NXN: variants seen among roughly 807,000 people sequenced by gnomAD.
The protein encoded by NXN is nucleoredoxin 1.
NXN carries 16 observed loss-of-function variants against 48.6 expected under a neutral mutation model. The observed-to-expected ratio is 0.33, with a 90% CI of 0.22 to 0.50. The LOEUF (loss-of-function observed/expected upper bound fraction) is 0.50. NXN is among the 20% of genes least tolerant of loss of function. The pLI is 0.98. For synonymous variants in NXN, 281 were observed against 269.6 expected (o/e 1.04, Z -0.41); for missense variants, 492 against 605.5 (o/e 0.81, Z 1.97).
In NXN at chr17:823,667, C is replaced by T. The variant is rs138173706; in HGVS notation, c.577G>A (p.Gly193Arg). ...GAGAAATAGACGCCCACGTGAGACCCCTCCAGGCTGCTGCTCTCCAGAGAC... is the reference window on the plus strand; with the variant it reads ...GAGAAATAGACGCCCACGTGAGACCTCTCCAGGCTGCTGCTCTCCAGAGAC... ...GQSLESSSLEGSHVGVYFSAH... is the reference protein window; with the variant it reads ...GQSLESSSLERSHVGVYFSAH... Residue 193 changes from glycine (G) to arginine (R), a missense_variant, in exon 3 of 8, where the codon GGG becomes AGG. Around this residue, in one of 3 missense-constraint regions of NXN, gnomAD observed 303 missense variants for 388.3 expected, o/e 0.78. Coordinates refer to ENST00000336868, the MANE Select transcript of NXN (RefSeq NM_022463.5). 1 of 1,614,134 alleles carries T rather than the reference C, an allele frequency of 6.2e-7. No individual in the cohort carries two copies. The highest frequency in any genetic ancestry group is 8.5e-7 in the Non-Finnish European group (1 of 1,180,028).
chr17:941,379 G>A (rs1462540292), intron 1 of NXN, among the ~76,000 whole-genome samples: 12 of 148,044 alleles, frequency 8.1e-5, no homozygotes, highest in Non-Finnish European at 1.6e-4. Flanking sequence ...ATTCCAGGGT[G>A]CAGCCATGAA....
intron 1 of NXN, chr17:933,227 A>G (rs1271602711): frequency 6.6e-6 from 1 of 152,084 alleles, no homozygotes; most frequent in Non-Finnish European, 1.5e-5. Context: ...GAACCCCCTA[A>G]CTGGTGCGAG....
chr17:976,651 A>AATT (rs2069461956), intron 1 of NXN, among the ~76,000 whole-genome samples: 1 of 152,188 alleles, frequency 6.6e-6, no homozygotes, highest in East Asian at 1.9e-4. Flanking sequence ...CTGATGGGGA[A>AATT]ATTAGCATCA....
intron 1 of NXN, among the ~76,000 whole-genome samples, chr17:886,549 G>T (rs1167492943): frequency 1.3e-5 from 2 of 152,150 alleles, no homozygotes; most frequent in Non-Finnish European, 2.9e-5. Context: ...GGCCAATGTG[G>T]GTGGATCACC....
intron 1 of NXN, among the ~76,000 whole-genome samples, chr17:871,346 T>C (rs1379010797): frequency 7.3e-5 from 11 of 151,242 alleles, no homozygotes; most frequent in Admixed American, 6.6e-4. Context: ...TATCACTTAG[T>C]GAAGTTAGTA....
rs561145170 is a variant in NXN, at chr17:920,425, T to C, written c.360+58894A>G. Among the ~76,000 whole-genome samples the C allele has an allele frequency of 6.6e-5, 10 of 152,034 alleles. No homozygotes were observed. The highest frequency in any genetic ancestry group is 1.5e-4 in the Non-Finnish European group (10 of 67,994). ...TCATGCCCCAAGGCCAATGTAGCCT[T>C]GGGGATGCCGAGCCTGCCTGATCCC... On this transcript the variant is annotated intron_variant, in intron 1 of 7. Transcript: ENST00000336868. The surrounding 1 kb of genome is among the most constrained non-coding windows in gnomAD (Gnocchi z 4.6).
At chr17:965,840 G>A (rs545394427) in intron 1 of NXN, among the ~76,000 whole-genome samples, 1 of 151,772 alleles carries the variant, frequency 6.6e-6, no homozygotes, top group Non-Finnish European at 1.5e-5. Context: ...CAACAGACAG[G>A]GCACAGTGAC....
chr17:917,657 C>CAA lies in NXN; in HGVS notation c.360+61660_360+61661dup, dbSNP rs2068701955. ...TCAGACGCACGTCACCATCTCAACCCAATGTAGGCCACCCGCTGCAGGCGA... is the reference window on the plus strand; with the variant it reads ...TCAGACGCACGTCACCATCTCAACCCAAAATGTAGGCCACCCGCTGCAGGCGA... On this transcript the variant is annotated intron_variant, in intron 1 of 7. Transcript: ENST00000336868. The surrounding 1 kb of genome is among the most constrained non-coding windows in gnomAD (Gnocchi z 4.5). 6.6e-6 allele frequency among the ~76,000 whole-genome samples: 1 copy of CAA among 152,234 alleles called. No individual in the cohort carries two copies. The highest frequency in any genetic ancestry group is 1.5e-5 in the Non-Finnish European group (1 of 68,042).
At chr17:944,436 A>T (rs1407643131) in intron 1 of NXN, among the ~76,000 whole-genome samples, 1 of 152,148 alleles carries the variant, frequency 6.6e-6, no homozygotes, top group Non-Finnish European at 1.5e-5. Flanking sequence ...ACTGCCTCCA[A>T]CTGGAGCTGT....
intron 1 of NXN, among the ~76,000 whole-genome samples, chr17:888,233 C>A (rs566257633): frequency 2.0e-5 from 3 of 152,192 alleles, no homozygotes; most frequent in Non-Finnish European, 4.4e-5. Flanking sequence ...ATCTTTACTT[C>A]TTTGAGACAG....
At position 804,935 on chromosome 17, in the gene NXN, A is replaced by G. The variant is rs549378723; in HGVS notation, c.1000+133T>C. The G allele has an allele frequency of 3.2e-5, 30 of 950,986 alleles. 1 individual carries two copies. The South Asian group carries it at 4.6e-4, about 15-fold the overall frequency. The allele number at this position is 950,986 out of a possible 1,614,324, so 58.9% of individuals were successfully genotyped here. On this transcript the variant is annotated intron_variant, in intron 6 of 7. Transcript: ENST00000336868. Reference sequence around the variant, plus strand: ...TCATTGGGGTCAAAAGCAAGGCTTCAGGGAGAGACAAAGGCCCAGGCTTGC... The same window carrying G: ...TCATTGGGGTCAAAAGCAAGGCTTCGGGGAGAGACAAAGGCCCAGGCTTGC...
At chr17:910,531 A>G (rs2144921513) in intron 1 of NXN, among the ~76,000 whole-genome samples, 1 of 151,774 alleles carries the variant, frequency 6.6e-6, no homozygotes, top group Middle Eastern at 3.4e-3. Context: ...GAGGGTTTTT[A>G]TTTGTTTTTT....
rs112448270 is a variant in NXN, at chr17:855,283, A to G, written c.361-29205T>C. ...ACAGAGCGAGACGTTATCTCAAATA[A>G]ATACATAAATAATTCTCATATACTA... On this transcript the variant is annotated intron_variant, in intron 1 of 7. Transcript: ENST00000336868. 6.8e-3 allele frequency among the ~76,000 whole-genome samples: 1,028 copies of G among 152,278 alleles called. 15 individuals are homozygous for G. The highest frequency in any genetic ancestry group is 0.024 in the African/African-American group (991 of 41,544).
At chr17:926,051 G>A (rs906995207) in intron 1 of NXN, among the ~76,000 whole-genome samples, 1 of 152,172 alleles carries the variant, frequency 6.6e-6, no homozygotes, top group African/African-American at 2.4e-5. Context: ...TTAGCAGCTG[G>A]GCTGCAATGC....
In NXN at chr17:945,174, C is replaced by T. The variant is rs188617822; in HGVS notation, c.360+34145G>A. Among the ~76,000 whole-genome samples, 268 of 151,994 alleles carry T rather than the reference C, an allele frequency of 1.8e-3. 4 individuals carry two copies. The highest frequency in any genetic ancestry group is 6.0e-3 in the African/African-American group (248 of 41,512). On this transcript the variant is annotated intron_variant, in intron 1 of 7. Transcript: ENST00000336868. ...TCGGCTCACTGTAACCTCCGCCTCC[C>T]GGGTTCAAGCAATTCTCCTGCCTCA...
At position 932,860 on chromosome 17, in the gene NXN, C is replaced by T. The variant is rs546491191; in HGVS notation, c.360+46459G>A. 6.6e-6 allele frequency among the ~76,000 whole-genome samples: 1 copy of T among 152,314 alleles called. No homozygotes were observed. Among genetic ancestry groups the T allele is most frequent in the South Asian group, 2.1e-4 (1 of 4,830 alleles). On this transcript the variant is annotated intron_variant, in intron 1 of 7. Transcript: ENST00000336868. This position sits in a 1 kb window ranked among gnomAD's most constrained non-coding sequence, Gnocchi z 4.1. ...ATGAGGTTTCTCCATGTTGGCCAGG[C>T]TGGTCTCGAACTCCTGACCTCAGGT... is the stretch of plus-strand genomic sequence containing the variant.
At chr17:881,455 G>A (rs923736942) in intron 1 of NXN, among the ~76,000 whole-genome samples, 9 of 152,128 alleles carry the variant, frequency 5.9e-5, no homozygotes, top group Non-Finnish European at 8.8e-5. Flanking sequence ...TCAAACTCCC[G>A]GGCTCAAGAA....
intron 1 of NXN, among the ~76,000 whole-genome samples, chr17:951,910 GAATGCACC>G (rs1291443790): frequency 2.6e-5 from 4 of 152,192 alleles, no homozygotes; most frequent in African/African-American, 9.7e-5. Context: ...GCCTCCCCGA[GAATGCACC>G]AGAGCCTGAG....
chr17:909,498 T>C (rs2068613759), intron 1 of NXN: 1 of 151,758 alleles, frequency 6.6e-6, no homozygotes, highest in South Asian at 2.1e-4. Context: ...ACTTCTCGAC[T>C]TCTGCTGATA....
Sources: gnomAD v4.1 joint callset for allele counts (sites outside exome capture counted in the v4.1 genomes callset) on GRCh38, gnomAD v4.1.1 for gene constraint, gnomAD v4.1.1 regional missense constraint, Gnocchi (gnomAD v3.1) non-coding constraint, MANE v1.5 for transcripts, NCBI Gene and HGNC (gene_info 2026-07-23, HGNC 2026-07-21) for gene names.